The following ADNP2 variants were observed in gnomAD, a reference collection of about 807,000 sequenced individuals.
ADNP2 encodes ADNP homeobox 2, also known as activity-dependent neuroprotector homeobox protein 2.
Under a neutral mutation model 16.4 loss-of-function variants are expected in ADNP2, and 8 were observed. The observed-to-expected ratio is 0.49, with a 90% CI of 0.29 to 0.88. The LOEUF (loss-of-function observed/expected upper bound fraction) is 0.88. Among genes scored for constraint, ADNP2 ranks in the 40% least tolerant of loss-of-function variants. ADNP2 has a pLI of 0.09. For synonymous variants in ADNP2, 637 were observed against 545.8 expected, an observed-to-expected ratio of 1.17 and a Z score of -2.33; for missense variants, 1,397 against 1,395.1, an observed-to-expected ratio of 1.00 and a Z score of -0.02.
chr18:80,135,653 C>T lies in ADNP2; in HGVS notation c.240C>T (p.Tyr80=). Residue 80 remains tyrosine (Y), a synonymous_variant, in exon 4 of 4, where the codon TAC becomes TAT. Coordinates refer to ENST00000262198, the MANE Select transcript of ADNP2 (RefSeq NM_014913.4). ...CATACTGTTGTGGCCTCTGTAAATACTCTACAAAGGTGCTTACTTCATTCA... is the reference window on the plus strand; with the variant it reads ...CATACTGTTGTGGCCTCTGTAAATATTCTACAAAGGTGCTTACTTCATTCA... ...TKPYCCGLCK[Y]STKVLTSFKN... is the part of the protein sequence containing the mutation. The T allele has an allele frequency of 6.2e-7, 1 of 1,614,176 alleles. No homozygotes were observed. The highest frequency in any genetic ancestry group is 8.5e-7 in the Non-Finnish European group (1 of 1,180,018).
At position 80,136,451 on chromosome 18, in the gene ADNP2, C is replaced by T; in HGVS notation, c.1038C>T (p.Thr346=). The change falls in exon 4 of 4, where the codon ACC becomes ACT. Residue 346 remains threonine, a synonymous_variant. Transcript: ENST00000262198. The part of the protein sequence containing the change: ...SPLPVGQNSL[T]LQPPAPQPVF... Reference sequence around the variant, plus strand: ...TGCCTGTGGGCCAGAACAGCCTCACCCTGCAGCCCCCAGCACCTCAGCCCG... The same window carrying T: ...TGCCTGTGGGCCAGAACAGCCTCACTCTGCAGCCCCCAGCACCTCAGCCCG... 3 of 1,614,032 alleles carry T rather than the reference C, an allele frequency of 1.9e-6. No individual in the cohort carries two copies. The South Asian group carries it at 3.3e-5, about 18-fold the overall frequency.
chr18:80,121,689 A>T (rs548151016), intron 2 of ADNP2, among the ~76,000 whole-genome samples: 34 of 152,238 alleles, frequency 2.2e-4, no homozygotes, highest in Non-Finnish European at 3.8e-4. Context: ...TCGCTGATCT[A>T]TTTTGAGTTA....
intron 2 of ADNP2, among the ~76,000 whole-genome samples, chr18:80,129,633 A>G (rs1245477890): frequency 6.6e-6 from 1 of 151,156 alleles, no homozygotes; most frequent in Non-Finnish European, 1.5e-5. Flanking sequence ...TGAAAGGCCC[A>G]GTTGATTCAA....
In ADNP2 at chr18:80,140,291, TA is replaced by T. The variant is rs2052573162; in HGVS notation, c.*1483del. ...GAGCTTGTTGAACATTTTTTTTTTT[TA>T]CCTATTGTTTTCAGAGTGTCTATTT... is the stretch of plus-strand genomic sequence containing the variant. On this transcript the variant is annotated 3_prime_UTR_variant, in exon 4 of 4. Coordinates refer to ENST00000262198, the MANE Select transcript of ADNP2 (RefSeq NM_014913.4). 3.9e-5 allele frequency: 6 copies of T among 152,652 alleles called. No individual in the cohort carries two copies. In the South Asian group the frequency reaches 1.2e-3, roughly 32 times the overall value. 9.5% of individuals were successfully genotyped at this position (152,652 alleles called of 1,614,324 possible).
intron 1 of ADNP2, among the ~76,000 whole-genome samples, chr18:80,111,491 G>C (rs947415692): frequency 2.6e-5 from 4 of 151,552 alleles, no homozygotes; most frequent in Non-Finnish European, 5.9e-5. Flanking sequence ...CCATCGTTTT[G>C]TGCGATTTCA....
At chr18:80,130,174 T>C (rs2052487066) in intron 2 of ADNP2, among the ~76,000 whole-genome samples, 1 of 152,222 alleles carries the variant, frequency 6.6e-6, no homozygotes, top group Admixed American at 6.5e-5. Flanking sequence ...CAGGTGCTCC[T>C]GGTGCTTTTG....
rs773221468 is a variant in ADNP2 at position 80,136,305 on chromosome 18, C to G, written c.892C>G (p.Gln298Glu). 1.9e-6 allele frequency: 3 copies of G among 1,613,834 alleles called. No individual in the cohort carries two copies. The highest frequency in any genetic ancestry group is 2.5e-6 in the Non-Finnish European group (3 of 1,179,728). Residue 298 changes from glutamine (Q) to glutamate (E), a missense_variant, in exon 4 of 4, where the codon CAG becomes GAG. Physicochemically the swap from Gln to Glu is conservative, Grantham distance 29 (BLOSUM62 2). Coordinates refer to ENST00000262198, the MANE Select transcript of ADNP2 (RefSeq NM_014913.4). ...QPPCFHLALP[Q>E]NSPSPAAGQP... ...TCCTTGCTTCCATCTTGCTTTGCCA[C>G]AGAACAGTCCAAGCCCAGCCGCAGG...
In ADNP2 at chr18:80,138,395, G is replaced by A; in HGVS notation, c.2982G>A (p.Glu994=). 1 of 1,614,040 alleles carries A rather than the reference G, an allele frequency of 6.2e-7. No homozygotes were observed. The highest frequency in any genetic ancestry group is 8.5e-7 in the Non-Finnish European group (1 of 1,180,034). Residue 994 remains glutamate (E), a synonymous_variant, in exon 4 of 4, where the codon GAG becomes GAA. Coordinates refer to ENST00000262198, the MANE Select transcript of ADNP2 (RefSeq NM_014913.4). ...HLGAEDQRHG[E]EQPPILNADA... is the part of the protein sequence containing the mutation. ...GGGCCGAAGACCAGCGGCATGGGGAGGAGCAGCCTCCCATCCTAAATGCCG... is the reference window on the plus strand; with the variant it reads ...GGGCCGAAGACCAGCGGCATGGGGAAGAGCAGCCTCCCATCCTAAATGCCG...
Position 80,123,308 on chromosome 18 carries a change from G to A in ADNP2, c.108+5658G>A, listed in dbSNP as rs138459964. Among the ~76,000 whole-genome samples, 29 of 152,070 alleles carry A rather than the reference G, an allele frequency of 1.9e-4. No individual in the cohort carries two copies. The East Asian group carries it at 2.9e-3, about 15-fold the overall frequency. On this transcript the variant is annotated intron_variant, in intron 2 of 3. Transcript: ENST00000262198. ...CTTGTAATGTTTTTATTTGGCCCTC[G>A]TATCAGGGAAATGCTGTCTTCAAGA...
Position 80,133,159 on chromosome 18 carries a change from T to A in ADNP2, c.165T>A (p.Asp55Glu). The A allele has an allele frequency of 6.2e-7, 1 of 1,613,836 alleles. No individual in the cohort carries two copies. Among genetic ancestry groups the A allele is most frequent in the Non-Finnish European group, 8.5e-7 (1 of 1,179,744 alleles). The part of the protein sequence containing the change: ...EKYFHNTSWG[D>E]VSLWEPSGKK... ...ACTTTCATAACACATCATGGGGTGA[T>A]GTTTCTCTCTGGGAACCTTCTGGAA... Residue 55 changes from aspartate to glutamate, a missense_variant, in exon 3 of 4, where the codon GAT becomes GAA. Physicochemically the swap from Asp to Glu is conservative, Grantham distance 45 (BLOSUM62 2). Transcript: ENST00000262198.
chr18:80,138,499 C>T lies in ADNP2; in HGVS notation c.3086C>T (p.Pro1029Leu), dbSNP rs79542277. Reference protein sequence around the residue: ...RQRNESRTEGPIVKDEALQIL... With the variant: ...RQRNESRTEGLIVKDEALQIL... ...AGGAATGAAAGCAGAACAGAGGGAC[C>T]TATTGTCAAGGACGAGGCTCTTCAG... Residue 1029 changes from proline (P) to leucine (L), a missense_variant, in exon 4 of 4, where the codon CCT becomes CTT. Around this residue, in one of 3 missense-constraint regions of ADNP2, gnomAD observed 611 missense variants for 648.7 expected, o/e 0.94. Transcript: ENST00000262198. 2.5e-6 allele frequency: 4 copies of T among 1,614,080 alleles called. No homozygotes were observed. The South Asian group carries it at 4.4e-5, about 18-fold the overall frequency.
intron 2 of ADNP2, among the ~76,000 whole-genome samples, chr18:80,127,238 G>C (rs1450061840): frequency 6.6e-6 from 1 of 151,998 alleles, no homozygotes; most frequent in African/African-American, 2.4e-5. Context: ...CATCCACTGG[G>C]GTCTTGGAAC....
intron 2 of ADNP2, among the ~76,000 whole-genome samples, chr18:80,132,601 C>G (rs1313885521): frequency 6.6e-6 from 1 of 151,472 alleles, no homozygotes; most frequent in Non-Finnish European, 1.5e-5. Flanking sequence ...CCTCTCTTTT[C>G]TCTTTCTCTT....
chr18:80,135,561 G>T, intron 3 of ADNP2, 51 bp from the exon 4 acceptor site: 1 of 1,492,998 alleles, frequency 6.7e-7, no homozygotes, highest in Non-Finnish European at 9.1e-7. Flanking sequence ...TGGAAGGTTA[G>T]CATCTGACAG....
intron 2 of ADNP2, among the ~76,000 whole-genome samples, chr18:80,132,607 CTCTT>C (rs2052503923): frequency 6.6e-6 from 1 of 151,720 alleles, no homozygotes. Flanking sequence ...TTTTCTCTTT[CTCTT>C]TCTCTTTCTT....
intron 1 of ADNP2, among the ~76,000 whole-genome samples, chr18:80,110,657 G>GT (rs1294952041): frequency 3.9e-5 from 6 of 152,204 alleles, no homozygotes; most frequent in Non-Finnish European, 8.8e-5. Flanking sequence ...TAATGTATGT[G>GT]TAACTTATTT....
At chr18:80,112,433 CAAA>C (rs958958900) in intron 1 of ADNP2, among the ~76,000 whole-genome samples, 12 of 124,428 alleles carry the variant, frequency 9.6e-5, no homozygotes, top group African/African-American at 3.2e-4. Context: ...AACTGCTAAA[CAAA>C]AAAAAAAAGG....
Position 80,136,787 on chromosome 18 carries a change from C to T in ADNP2, c.1374C>T (p.Gly458=), listed in dbSNP as rs762331865. Residue 458 remains glycine (G), a synonymous_variant, in exon 4 of 4, where the codon GGC becomes GGT. Transcript: ENST00000262198. ...VLPAGQMTPA[G]QMTPAGVIPG... ...CTGCAGGCCAGATGACTCCTGCAGGCCAGATGACTCCTGCAGGGGTTATCC... is the reference window on the plus strand; with the variant it reads ...CTGCAGGCCAGATGACTCCTGCAGGTCAGATGACTCCTGCAGGGGTTATCC... 1 of 1,603,082 alleles carries T rather than the reference C, an allele frequency of 6.2e-7. No individual in the cohort carries two copies. The highest frequency in any genetic ancestry group is 8.5e-7 in the Non-Finnish European group (1 of 1,172,656).
chr18:80,119,281 A>C (rs778893005), intron 2 of ADNP2, among the ~76,000 whole-genome samples: 1 of 152,038 alleles, frequency 6.6e-6, no homozygotes, highest in Non-Finnish European at 1.5e-5. Context: ...ATTTACACAA[A>C]AGGAGATTTA....
Sources: allele counts gnomAD v4.1 joint callset (sites outside exome capture counted in the v4.1 genomes callset), GRCh38; gene constraint gnomAD v4.1.1; regional missense constraint gnomAD v4.1.1; transcripts MANE v1.5; gene names NCBI Gene and HGNC (gene_info 2026-07-23, HGNC 2026-07-21).